The following CBLN2 variants were observed in gnomAD, a reference collection of about 807,000 sequenced individuals.
CBLN2 encodes the protein cerebellin-2.
A neutral mutation model predicts 15.0 loss-of-function variants in CBLN2; 7 were observed. The observed-to-expected ratio is 0.47, with a 90% CI of 0.27 to 0.88. The LOEUF is 0.88. Among genes scored for constraint, CBLN2 ranks in the 40% least tolerant of loss-of-function variants. The probability of loss-of-function intolerance (pLI) is 0.14; values close to 1 mark genes in which losing one functional copy is unlikely to be tolerated. For synonymous variants in CBLN2, 149 were observed against 135.2 expected, an observed-to-expected ratio of 1.10 and a Z score of -0.71; for missense variants, 242 against 304.5, an observed-to-expected ratio of 0.79 and a Z score of 1.53.
intron 1 of CBLN2, among the ~76,000 whole-genome samples, chr18:72,603,003 G>A (rs1262611518): frequency 6.6e-6 from 1 of 152,210 alleles, no homozygotes; most frequent in Non-Finnish European, 1.5e-5. Flanking sequence ...GGGACAGGTT[G>A]CCTAAGCGAT....
At chr18:72,618,168 A>G (rs1599025712) in intron 1 of CBLN2, 1 of 172,970 alleles carries the variant, frequency 5.8e-6, no homozygotes, top group African/African-American at 2.4e-5. Context: ...ACAGGCTATA[A>G]AAGTTTCCTT....
At chr18:72,574,953 G>A (rs1030663462) in intron 1 of CBLN2, among the ~76,000 whole-genome samples, 1 of 152,204 alleles carries the variant, frequency 6.6e-6, no homozygotes, top group Non-Finnish European at 1.5e-5. Context: ...ATCTCAGATT[G>A]TGGTATTCTC....
intron 1 of CBLN2, among the ~76,000 whole-genome samples, chr18:72,562,990 A>G (rs1480817981): frequency 6.6e-6 from 1 of 152,226 alleles, no homozygotes; most frequent in Non-Finnish European, 1.5e-5. Context: ...AGTGGAAGTA[A>G]TACCATTGTA....
At chr18:72,631,469 C>G (rs978052742) in intron 1 of CBLN2, among the ~76,000 whole-genome samples, 9 of 151,788 alleles carry the variant, frequency 5.9e-5, no homozygotes, top group Non-Finnish European at 1.3e-4. Flanking sequence ...TGCTTAATCT[C>G]AACTTATAAA....
intron 3 of CBLN2, chr18:72,539,323 G>A (rs2069091776): frequency 6.5e-6 from 1 of 153,176 alleles, no homozygotes; most frequent in Non-Finnish European, 1.5e-5. Context: ...AGAGACAATG[G>A]TCTCTGTGAG....
chr18:72,585,366 G>C (rs573496587), intron 1 of CBLN2, among the ~76,000 whole-genome samples: 1 of 152,168 alleles, frequency 6.6e-6, no homozygotes, highest in Non-Finnish European at 1.5e-5. Context: ...AAGGTGAAAA[G>C]GTCCTTTACT....
At chr18:72,586,116 T>C (rs998643964) in intron 1 of CBLN2, among the ~76,000 whole-genome samples, 8 of 152,016 alleles carry the variant, frequency 5.3e-5, no homozygotes, top group African/African-American at 1.9e-4. Context: ...TCAGAAGGGG[T>C]GGGGCTTCTG....
chr18:72,625,725 T>TATATATAC (rs1331209741), intron 1 of CBLN2, among the ~76,000 whole-genome samples: 1 of 78,688 alleles, frequency 1.3e-5, no homozygotes, highest in African/African-American at 7.7e-5. Flanking sequence ...TATATATATA[T>TATATATAC]ACACACTCTT....
At chr18:72,621,454 C>A (rs1050138642) in intron 1 of CBLN2, among the ~76,000 whole-genome samples, 3 of 152,120 alleles carry the variant, frequency 2.0e-5, no homozygotes, top group Admixed American at 6.6e-5. Context: ...AATATCTCCT[C>A]TTTTTGACAA....
chr18:72,560,016 C>T (rs1336610998), intron 1 of CBLN2, among the ~76,000 whole-genome samples: 2 of 152,174 alleles, frequency 1.3e-5, no homozygotes, highest in African/African-American at 2.4e-5. Flanking sequence ...TCTCTTCTCA[C>T]TGAACCCAGG....
chr18:72,636,834 T>C (rs1162716781), intron 1 of CBLN2, among the ~76,000 whole-genome samples: 1 of 152,188 alleles, frequency 6.6e-6, no homozygotes, highest in Non-Finnish European at 1.5e-5. Flanking sequence ...CACCCTGGTA[T>C]GAAAAATTCA....
chr18:72,575,467 A>G (rs985479417), intron 1 of CBLN2, among the ~76,000 whole-genome samples: 1 of 152,164 alleles, frequency 6.6e-6, no homozygotes, highest in Non-Finnish European at 1.5e-5. Context: ...GGCTGACACA[A>G]TCTGCTGAGG....
chr18:72,548,669 T>C (rs541649207), upstream of CBLN2, among the ~76,000 whole-genome samples: 527 of 152,344 alleles, frequency 3.5e-3, 2 homozygotes, highest in Non-Finnish European at 5.7e-3. Flanking sequence ...GAAATATTAT[T>C]GATCTGAAAA....
At position 72,588,658 on chromosome 18, in the gene CBLN2, C is replaced by A. The variant is rs184330310; in HGVS notation, c.15+49667G>T. The stretch of plus-strand genomic sequence containing the variant: ...TGCCAGGACAGAGGAGAAAACAGAA[C>A]CCTCTTGGATGGGAAAGGAAAGCTC... On this transcript the variant is annotated intron_variant, in intron 1 of 2. Coordinates refer to the CBLN2 transcript ENST00000581073. 3.4e-3 allele frequency among the ~76,000 whole-genome samples: 512 copies of A among 152,254 alleles called. 6 individuals carry two copies. The highest frequency in any genetic ancestry group is 0.012 in the African/African-American group (497 of 41,552).
Position 72,538,100 on chromosome 18 carries a change from G to T in CBLN2, c.*76C>A. On this transcript the variant is annotated 3_prime_UTR_variant, in exon 5 of 5. Transcript: ENST00000269503. Reference sequence around the variant, plus strand: ...GTTGGAAACAAGGTGTCCAATTCCAGTAAGTTCAGGGTGTTTTAAAGGGCG... The same window carrying T: ...GTTGGAAACAAGGTGTCCAATTCCATTAAGTTCAGGGTGTTTTAAAGGGCG... 1 of 1,449,696 alleles carries T rather than the reference G, an allele frequency of 6.9e-7. No individual in the cohort carries two copies. Among genetic ancestry groups the T allele is most frequent in the Non-Finnish European group, 9.7e-7 (1 of 1,036,112 alleles). 89.8% of individuals were successfully genotyped at this position (1,449,696 alleles called of 1,614,324 possible).
intron 1 of CBLN2, among the ~76,000 whole-genome samples, chr18:72,576,418 A>T (rs1281019783): frequency 2.0e-5 from 3 of 152,224 alleles, no homozygotes; most frequent in Non-Finnish European, 4.4e-5. Flanking sequence ...ATATTTAAAA[A>T]GTGTGCAGCC....
chr18:72,634,391 T>C (rs2069798109), intron 1 of CBLN2, among the ~76,000 whole-genome samples: 1 of 152,118 alleles, frequency 6.6e-6, no homozygotes, highest in Non-Finnish European at 1.5e-5. Context: ...TTCAATTAAA[T>C]ATTGTTTATT....
intron 1 of CBLN2, among the ~76,000 whole-genome samples, chr18:72,580,334 T>C (rs1306971690): frequency 6.6e-6 from 1 of 152,162 alleles, no homozygotes; most frequent in African/African-American, 2.4e-5. Context: ...AGGAAAACTA[T>C]TCAGCTATTG....
At chr18:72,619,223 A>T in intron 1 of CBLN2, 1 of 923,186 alleles carries the variant, frequency 1.1e-6, no homozygotes, top group African/African-American at 1.6e-5. Flanking sequence ...GAAGATTTTA[A>T]TTACAGTCAG....
Sources: allele counts gnomAD v4.1 joint callset (sites outside exome capture counted in the v4.1 genomes callset), GRCh38; gene constraint gnomAD v4.1.1; transcripts MANE v1.5; gene names NCBI Gene and HGNC (gene_info 2026-07-23, HGNC 2026-07-21).